PRPSAP2: variants seen among roughly 807,000 people sequenced by gnomAD.
PRPSAP2 encodes phosphoribosyl pyrophosphate synthase-associated protein 2.
Under a neutral mutation model 40.6 loss-of-function variants are expected in PRPSAP2, and 24 were observed. That is an observed-to-expected ratio of 0.59 (90% confidence interval 0.43 to 0.83). The LOEUF (loss-of-function observed/expected upper bound fraction) is 0.83, where lower values mean the gene tolerates loss of function less well. PRPSAP2 is among the 40% of genes least tolerant of loss of function. The pLI, the probability that PRPSAP2 is intolerant of heterozygous loss-of-function variation, is 0.00. For missense variants in PRPSAP2, 292 were observed against 465.6 expected, an observed-to-expected ratio of 0.63 and a Z score of 3.43; for synonymous variants, 149 against 164.7, an observed-to-expected ratio of 0.90 and a Z score of 0.73.
Position 18,892,688 on chromosome 17 carries a change from AGTGTGTGT to A in PRPSAP2, c.584+2844_584+2851del, listed in dbSNP as rs3043879. Among the ~76,000 whole-genome samples, 37 of 75,402 alleles carry A rather than the reference AGTGTGTGT, an allele frequency of 4.9e-4. No individual in the cohort carries two copies. The South Asian group carries it at 0.01, about 21-fold the overall frequency. 49.5% of individuals were successfully genotyped at this position (75,402 alleles called of 152,430 possible). On this transcript the variant is annotated intron_variant, in intron 8 of 11. Coordinates refer to ENST00000268835, the MANE Select transcript of PRPSAP2 (RefSeq NM_002767.4). ...TCAATCCTTCTGCCTCAGCCTGTTG[AGTGTGTGT>A]GTGTGTGTGTGTGTGTGTGTGTGTG...
intron 11 of PRPSAP2, 46 bp from the exon 12 acceptor site, chr17:18,930,494 C>T (rs372367377): frequency 3.2e-6 from 5 of 1,578,234 alleles, no homozygotes; most frequent in Non-Finnish European, 3.5e-6. Flanking sequence ...AACCATGAAG[C>T]TACTTGGCTT....
intron 7 of PRPSAP2, 54 bp downstream of exon 7, chr17:18,882,737 T>G (rs959983654): frequency 8.4e-7 from 1 of 1,188,748 alleles, no homozygotes; most frequent in African/African-American, 1.5e-5. Context: ...TTGAAAGATG[T>G]ATTTCCATTT....
chr17:18,864,396 C>T (rs573574898), intron 1 of PRPSAP2, among the ~76,000 whole-genome samples: 216 of 151,770 alleles, frequency 1.4e-3, no homozygotes, highest in Middle Eastern at 6.8e-3. Flanking sequence ...TGAGTTCAAG[C>T]GATTCTCAAG....
At chr17:18,899,600 C>G (rs1462310535) in intron 8 of PRPSAP2, among the ~76,000 whole-genome samples, 1 of 140,136 alleles carries the variant, frequency 7.1e-6, no homozygotes, top group Non-Finnish European at 1.5e-5. Flanking sequence ...ATGATCACAG[C>G]TCACTGCAAC....
At chr17:18,892,593 C>CTT (rs950601250) in intron 8 of PRPSAP2, among the ~76,000 whole-genome samples, 2 of 131,212 alleles carry the variant, frequency 1.5e-5, no homozygotes, top group South Asian at 2.4e-4. Context: ...TGTTGAGTAT[C>CTT]TTTTTTTTTT....
chr17:18,924,078 C>T (rs62076164), intron 10 of PRPSAP2, 94 bp downstream of exon 10: 100,581 of 1,287,846 alleles, frequency 0.078, 4,194 homozygotes, highest in Middle Eastern at 0.098. Flanking sequence ...GACTCACTGT[C>T]GCCCAGGCTG....
intron 9 of PRPSAP2, among the ~76,000 whole-genome samples, chr17:18,912,804 G>T (rs988515544): frequency 2.0e-5 from 3 of 152,162 alleles, no homozygotes; most frequent in African/African-American, 7.2e-5. Context: ...GGTAGCCAAG[G>T]TGGGAGGGTT....
intron 10 of PRPSAP2, 68 bp downstream of exon 10, chr17:18,924,052 T>C: frequency 6.8e-7 from 1 of 1,471,862 alleles, no homozygotes; most frequent in Non-Finnish European, 9.5e-7. Context: ...GATTGATTGA[T>C]TGATTTTATT....
chr17:18,903,440 G>A (rs1023280270), intron 8 of PRPSAP2, among the ~76,000 whole-genome samples: 5 of 151,690 alleles, frequency 3.3e-5, no homozygotes, highest in Non-Finnish European at 4.4e-5. Flanking sequence ...TGAGTTTAAG[G>A]TATTGTGAGT....
At chr17:18,896,340 T>C (rs1240565269) in intron 8 of PRPSAP2, among the ~76,000 whole-genome samples, 1 of 152,168 alleles carries the variant, frequency 6.6e-6, no homozygotes, top group African/African-American at 2.4e-5. Context: ...TGAAATGCCT[T>C]GAAGCAATAA....
At chr17:18,879,514 C>T (rs143802018) in intron 6 of PRPSAP2, among the ~76,000 whole-genome samples, 38 of 152,038 alleles carry the variant, frequency 2.5e-4, no homozygotes, top group African/African-American at 8.9e-4. Context: ...AGTGCAGTAG[C>T]GTGATCTCGG....
Position 18,889,792 on chromosome 17 carries a change from C to A in PRPSAP2, c.529-30C>A, listed in dbSNP as rs190215234. 25 of 1,554,662 alleles carry A rather than the reference C, an allele frequency of 1.6e-5. No individual in the cohort carries two copies. In the Admixed American group the frequency reaches 4.4e-4, roughly 27 times the overall value. On this transcript the variant is annotated intron_variant, in intron 7 of 11. Transcript: ENST00000268835. The stretch of plus-strand genomic sequence containing the variant: ...TGGAATTTTCCTTTTTGTTGACATG[C>A]AGTAATACCTGACTTCTTGTCTGTC...
chr17:18,886,929 CTTTTTTTTTTT>C (rs71155365), intron 7 of PRPSAP2, among the ~76,000 whole-genome samples: 3 of 75,372 alleles, frequency 4.0e-5, no homozygotes, highest in African/African-American at 1.6e-4. Context: ...TTCTTTTCTT[CTTTTTTTTTTT>C]TTTTTTTTTT....
chr17:18,904,571 T>C (rs8072860), intron 8 of PRPSAP2: 82,203 of 151,994 alleles, frequency 0.54, 22,557 homozygotes, highest in Middle Eastern at 0.6. Context: ...TGAGCCACTG[T>C]GTTTAGTGGT....
At chr17:18,865,704 C>A in intron 2 of PRPSAP2, 98 bp from the exon 3 acceptor site, 1 of 695,936 alleles carries the variant, frequency 1.4e-6, no homozygotes, top group Non-Finnish European at 2.0e-6. Flanking sequence ...AGGATGGAAA[C>A]TAATTTCCTT....
At chr17:18,886,099 A>G (rs145867491) in intron 7 of PRPSAP2, among the ~76,000 whole-genome samples, 252 of 152,266 alleles carry the variant, frequency 1.7e-3, no homozygotes, top group African/African-American at 5.9e-3. Context: ...CAGGGGATAG[A>G]TATTCATGTT....
chr17:18,857,909 TG>T (rs2036699830), upstream of PRPSAP2: 1 of 152,376 alleles, frequency 6.6e-6, no homozygotes, highest in South Asian at 2.1e-4. Flanking sequence ...GTAACCTGCC[TG>T]GGCTGTCACA....
At chr17:18,892,686 T>TGA (rs1482094295) in intron 8 of PRPSAP2, among the ~76,000 whole-genome samples, 28 of 74,844 alleles carry the variant, frequency 3.7e-4, no homozygotes, top group African/African-American at 1.3e-3. Context: ...CTCAGCCTGT[T>TGA]GAGTGTGTGT....
intron 9 of PRPSAP2, chr17:18,917,569 ATTATTATTATTATTATT>A (rs1219652887): frequency 4.3e-4 from 13 of 30,104 alleles, no homozygotes; most frequent in African/African-American, 1.4e-3. Flanking sequence ...TATTATTATT[ATTATTATTATTATTATT>A]TTTTTTTTTT....
Sources: gnomAD v4.1 joint callset for allele counts (sites outside exome capture counted in the v4.1 genomes callset) on GRCh38, gnomAD v4.1.1 for gene constraint, MANE v1.5 for transcripts, NCBI Gene and HGNC (gene_info 2026-07-23, HGNC 2026-07-21) for gene names.